Variants in CCPG1 observed in about 807,000 individuals in gnomAD.
CCPG1 encodes cell cycle progression protein 1.
CCPG1 carries 46 observed loss-of-function variants against 81.3 expected under a neutral mutation model. That is an observed-to-expected ratio of 0.57 (90% CI 0.45 to 0.72). The LOEUF (loss-of-function observed/expected upper bound fraction) is 0.72. CCPG1 is among the 30% of genes least tolerant of loss of function. The pLI is 0.00. For synonymous variants in CCPG1, 330 were observed against 305.2 expected (o/e 1.08, Z -0.85); for missense variants, 902 against 937.6 (o/e 0.96, Z 0.50).
rs1770071364 is a variant in CCPG1 at position 55,356,176 on chromosome 15, A to T, written c.*44T>A. ...TTCAATACCAAACATTATACAAAGC[A>T]TAAATTTTTCTCTTACAGTTGTCTA... On this transcript the variant is annotated 3_prime_UTR_variant, in exon 9 of 9. Transcript: ENST00000442196. 1 of 1,410,344 alleles carries T rather than the reference A, an allele frequency of 7.1e-7. No individual in the cohort carries two copies. Among genetic ancestry groups the T allele is most frequent in the East Asian group, 2.5e-5 (1 of 39,988 alleles). The allele number at this position is 1,410,344 out of a possible 1,614,324, so 87.4% of individuals were successfully genotyped here.
chr15:55,402,113 T>C (rs1234173104), intron 1 of CCPG1, among the ~76,000 whole-genome samples: 77 of 152,248 alleles, frequency 5.1e-4, no homozygotes, highest in Admixed American at 5.0e-3. Context: ...CTCAGCATAA[T>C]TTGCCTAATG....
intron 7 of CCPG1, among the ~76,000 whole-genome samples, chr15:55,362,646 G>C (rs2056226870): frequency 6.6e-6 from 1 of 152,198 alleles, no homozygotes; most frequent in Non-Finnish European, 1.5e-5. Context: ...TAAATATGAT[G>C]TTGACATAAG....
At chr15:55,383,861 A>G (rs986913924) in intron 3 of CCPG1, among the ~76,000 whole-genome samples, 2 of 152,324 alleles carry the variant, frequency 1.3e-5, no homozygotes, top group African/African-American at 2.4e-5. Flanking sequence ...GGCTGGTTCA[A>G]TCTTCTACCA....
At chr15:55,377,640 C>T (rs1244168349) in intron 4 of CCPG1, among the ~76,000 whole-genome samples, 2 of 152,190 alleles carry the variant, frequency 1.3e-5, no homozygotes, top group African/African-American at 4.8e-5. Flanking sequence ...GAAGTGGGAC[C>T]TTTAGGAGGT....
intron 3 of CCPG1, among the ~76,000 whole-genome samples, chr15:55,383,457 TAC>T (rs1339286332): frequency 1.3e-5 from 2 of 152,224 alleles, no homozygotes; most frequent in Non-Finnish European, 2.9e-5. Flanking sequence ...AGTCACCAGC[TAC>T]ATTTGCCTCT....
chr15:55,365,064 C>G, intron 7 of CCPG1, 124 bp downstream of exon 7: 1 of 620,326 alleles, frequency 1.6e-6, no homozygotes, highest in Non-Finnish European at 2.8e-6. Flanking sequence ...AATACCCGTA[C>G]TCAATTCAAC....
At position 55,355,644 on chromosome 15, in the gene CCPG1, C is replaced by T. The variant is rs2056063856; in HGVS notation, c.*576G>A. 2 of 377,052 alleles carry T rather than the reference C, an allele frequency of 5.3e-6. No homozygotes were observed. 23.4% of individuals were successfully genotyped at this position (377,052 alleles called of 1,614,324 possible). A position where few individuals can be genotyped will look rare whatever the true frequency, so the allele number is the denominator to read the frequency against. ...ATTTTAAATAAAGACCTTTAGTTTT[C>T]CTCATGGTGTAGTTTTATTGTTTCT... is the stretch of plus-strand genomic sequence containing the variant. On this transcript the variant is annotated 3_prime_UTR_variant, in exon 9 of 9. Transcript: ENST00000442196.
intron 8 of CCPG1, 158 bp from the exon 9 acceptor site, chr15:55,356,567 G>T: frequency 8.1e-7 from 1 of 1,241,906 alleles, no homozygotes; most frequent in Non-Finnish European, 1.0e-6. Context: ...TAAAAATAAA[G>T]GAGTCTGTAT....
chr15:55,355,259 T>A lies in CCPG1; in HGVS notation c.*961A>T, dbSNP rs1478971499. The A allele has an allele frequency of 6.4e-7, 1 of 1,571,644 alleles. No individual in the cohort carries two copies. The highest frequency in any genetic ancestry group is 2.2e-5 in the East Asian group (1 of 44,686). On this transcript the variant is annotated 3_prime_UTR_variant, in exon 9 of 9. Transcript: ENST00000442196. ...AGTACTCAGCAAAATGTAGCCTTTATTTACTTAAACATTTATTTGCTTCTA... is the reference window on the plus strand; with the variant it reads ...AGTACTCAGCAAAATGTAGCCTTTAATTACTTAAACATTTATTTGCTTCTA...
At chr15:55,370,968 C>T (rs1384367731) in intron 6 of CCPG1, among the ~76,000 whole-genome samples, 1 of 151,434 alleles carries the variant, frequency 6.6e-6, no homozygotes, top group Non-Finnish European at 1.5e-5. Flanking sequence ...AAAAAATTAG[C>T]CAGGCATGGT....
intron 1 of CCPG1, among the ~76,000 whole-genome samples, chr15:55,407,041 C>CCCCCG (rs2057243585): frequency 1.6e-5 from 2 of 122,828 alleles, no homozygotes; most frequent in Non-Finnish European, 3.5e-5. Context: ...GTTGAGACCC[C>CCCCCG]CCCCCCCGCC....
At chr15:55,373,019 G>T (rs959750310) in intron 5 of CCPG1, 1 of 534,568 alleles carries the variant, frequency 1.9e-6, no homozygotes, top group African/African-American at 1.9e-5. Context: ...GCATGAGGAA[G>T]TGACACAACA....
Position 55,360,055 on chromosome 15 carries a change from T to C in CCPG1, c.1718A>G (p.Gln573Arg). 2 of 1,613,894 alleles carry C rather than the reference T, an allele frequency of 1.2e-6. No homozygotes were observed. The highest frequency in any genetic ancestry group is 8.5e-7 in the Non-Finnish European group (1 of 1,180,004). ...RTVFSDYLHP[Q>R]YKAPTENHHN... is the part of the protein sequence containing the mutation. ...ATGGTTTTCTGTAGGTGCCTTATAC[T>C]GTGGATGTAAATAGTCACTAAAAAC... The change falls in exon 8 of 9, where the codon CAG becomes CGG. Residue 573 changes from glutamine (Q) to arginine (R), a missense_variant. Coordinates refer to ENST00000442196, the MANE Select transcript of CCPG1 (RefSeq NM_001204450.2).
intron 6 of CCPG1, among the ~76,000 whole-genome samples, chr15:55,371,447 GTCACACT>G (rs918036599): frequency 2.0e-4 from 30 of 152,214 alleles, no homozygotes; most frequent in African/African-American, 6.7e-4. Context: ...TCCTAATAAA[GTCACACT>G]TCAACTTAGT....
Position 55,371,794 on chromosome 15 carries a change from A to G in CCPG1, c.705T>C (p.Tyr235=), listed in dbSNP as rs1310991809. The G allele has an allele frequency of 6.2e-7, 1 of 1,613,326 alleles. No homozygotes were observed. The highest frequency in any genetic ancestry group is 2.2e-5 in the East Asian group (1 of 44,866). ...IAISMGFGHF[Y]GTIQIQKRQQ... ...TATAACACATTTTTGAGTACTTACC[A>G]TAGAAATGGCCAAATCCCATGCTGA... The change falls in exon 6 of 9, where the codon TAT becomes TAC. Residue 235 remains tyrosine, a splice_region_variant and synonymous_variant. Transcript: ENST00000442196.
At position 55,356,249 on chromosome 15, in the gene CCPG1, C is replaced by G; in HGVS notation, c.2395G>C (p.Gly799Arg). 4 of 1,534,316 alleles carry G rather than the reference C, an allele frequency of 2.6e-6. No homozygotes were observed. Among genetic ancestry groups the G allele is most frequent in the Non-Finnish European group, 3.5e-6 (4 of 1,146,242 alleles). ...TATTGAGGATCAAAAGGTAATTGCC[C>G]CAATTCTATTTCAAGATTTGCCATT... Reference protein sequence around the residue: ...RQMANLEIELGQLPFDPQY With the variant: ...RQMANLEIELRQLPFDPQY Residue 799 changes from glycine (G) to arginine (R), a missense_variant, in exon 9 of 9, where the codon GGG becomes CGG. By Grantham distance (125) the Gly-to-Arg change is moderately radical. Around this residue, in one of 3 missense-constraint regions of CCPG1, gnomAD observed 128 missense variants for 161.2 expected, o/e 0.79. Transcript: ENST00000442196.
rs2444041 is a variant in CCPG1, at chr15:55,355,265, T to C, written c.*955A>G. Reference sequence around the variant, plus strand: ...CAGCAAAATGTAGCCTTTATTTACTTAAACATTTATTTGCTTCTAGGAAAT... The same window carrying C: ...CAGCAAAATGTAGCCTTTATTTACTCAAACATTTATTTGCTTCTAGGAAAT... On this transcript the variant is annotated 3_prime_UTR_variant, in exon 9 of 9. Coordinates refer to ENST00000442196, the MANE Select transcript of CCPG1 (RefSeq NM_001204450.2). 5,725 of 1,583,568 alleles carry C rather than the reference T, an allele frequency of 3.6e-3. 175 individuals are homozygous for C. In the African/African-American group the frequency reaches 0.068, roughly 19 times the overall value.
intron 1 of CCPG1, among the ~76,000 whole-genome samples, chr15:55,401,397 T>C (rs535265081): frequency 1.1e-4 from 16 of 152,334 alleles, no homozygotes; most frequent in African/African-American, 3.4e-4. Flanking sequence ...CTGGGCGCAG[T>C]GGCTCATGCC....
At chr15:55,363,016 GGC>G (rs930911546) in intron 7 of CCPG1, among the ~76,000 whole-genome samples, 1 of 151,940 alleles carries the variant, frequency 6.6e-6, no homozygotes. Context: ...CTCCAGCCTG[GGC>G]AATAAGAATG....
Sources: gnomAD v4.1 joint callset for allele counts (sites outside exome capture counted in the v4.1 genomes callset) on GRCh38, gnomAD v4.1.1 for gene constraint, gnomAD v4.1.1 regional missense constraint, MANE v1.5 for transcripts, NCBI Gene and HGNC (gene_info 2026-07-23, HGNC 2026-07-21) for gene names.